MAP6: variants seen among roughly 807,000 people sequenced by gnomAD.
MAP6 encodes microtubule associated protein 6, also known as microtubule-associated protein 6.
A neutral mutation model predicts 42.4 loss-of-function variants in MAP6; 26 were observed. The ratio of observed to expected loss-of-function variants is 0.61; its 90% CI spans 0.45 to 0.85. The LOEUF is 0.85. MAP6 is among the 40% of genes least tolerant of loss of function. MAP6 has a pLI of 0.00. For missense variants in MAP6, 966 were observed against 1,099.0 expected (o/e 0.88, Z 1.71); for synonymous variants, 418 against 443.8 (o/e 0.94, Z 0.73).
intron 3 of MAP6, among the ~76,000 whole-genome samples, chr11:75,599,903 C>T (rs1042941573): frequency 6.6e-6 from 1 of 152,150 alleles, no homozygotes; most frequent in Non-Finnish European, 1.5e-5. Flanking sequence ...CCAACACCTG[C>T]CCCATAACAT....
At chr11:75,637,825 G>A (rs1255576166) in intron 1 of MAP6, among the ~76,000 whole-genome samples, 3 of 135,286 alleles carry the variant, frequency 2.2e-5, no homozygotes, top group East Asian at 5.2e-4. Context: ...GGGAGGGAGG[G>A]AGGGAAGTAG....
chr11:75,603,825 T>C (rs1942709430), intron 3 of MAP6: 1 of 985,332 alleles, frequency 1.0e-6, no homozygotes, highest in Non-Finnish European at 1.2e-6. Flanking sequence ...CTCTGATTTA[T>C]TTGATCTGCA....
chr11:75,604,353 A>G, intron 3 of MAP6: 1 of 985,544 alleles, frequency 1.0e-6, no homozygotes, highest in Non-Finnish European at 1.2e-6. Context: ...CCTCCAAACC[A>G]GAAGGACCTA....
chr11:75,612,325 G>A (rs1942912039), intron 1 of MAP6, among the ~76,000 whole-genome samples: 1 of 152,232 alleles, frequency 6.6e-6, no homozygotes, highest in Admixed American at 6.5e-5. Flanking sequence ...ACAGGGATGT[G>A]TAAGCCATGG....
intron 1 of MAP6, among the ~76,000 whole-genome samples, chr11:75,631,752 G>A (rs1229926830): frequency 2.6e-5 from 4 of 152,188 alleles, no homozygotes; most frequent in Non-Finnish European, 5.9e-5. Flanking sequence ...GGAAATGAGG[G>A]AATATCAAGG....
chr11:75,620,221 G>A (rs574652643), intron 1 of MAP6, among the ~76,000 whole-genome samples: 2 of 152,286 alleles, frequency 1.3e-5, no homozygotes, highest in East Asian at 3.9e-4. Context: ...TGTAATCCCA[G>A]TACTTTGGGA....
At chr11:75,632,743 T>C (rs564877077) in intron 1 of MAP6, among the ~76,000 whole-genome samples, 1 of 152,312 alleles carries the variant, frequency 6.6e-6, no homozygotes, top group East Asian at 1.9e-4. Context: ...CTGCGTAATG[T>C]GGAAATTAGA....
chr11:75,589,183 A>G (rs1281941243), intron 3 of MAP6, among the ~76,000 whole-genome samples: 1 of 152,060 alleles, frequency 6.6e-6, no homozygotes, highest in East Asian at 1.9e-4. Flanking sequence ...TTATTTCCCT[A>G]TAGCCAAGAG....
At chr11:75,649,287 A>G (rs1313979426) in intron 1 of MAP6, among the ~76,000 whole-genome samples, 1 of 152,172 alleles carries the variant, frequency 6.6e-6, no homozygotes, top group Non-Finnish European at 1.5e-5. Context: ...GTTGGGTGAA[A>G]AAAACAAAGT....
At chr11:75,646,729 A>G (rs1943560096) in intron 1 of MAP6, among the ~76,000 whole-genome samples, 1 of 151,908 alleles carries the variant, frequency 6.6e-6, no homozygotes, top group East Asian at 1.9e-4. Flanking sequence ...GAACCCAGGA[A>G]GTGGAGGTTG....
chr11:75,643,986 C>T (rs992302739), intron 1 of MAP6, among the ~76,000 whole-genome samples: 2 of 152,224 alleles, frequency 1.3e-5, no homozygotes, highest in East Asian at 1.9e-4. Context: ...TGCATTTCAA[C>T]ATCTTAGAAA....
At chr11:75,589,321 C>T (rs939294904) in intron 3 of MAP6, among the ~76,000 whole-genome samples, 5 of 152,222 alleles carry the variant, frequency 3.3e-5, no homozygotes, top group African/African-American at 1.2e-4. Flanking sequence ...CAAGCATTGC[C>T]ACACTTAGAC....
intron 2 of MAP6, chr11:75,607,608 G>C: frequency 2.0e-6 from 2 of 985,386 alleles, no homozygotes; most frequent in Non-Finnish European, 2.4e-6. Flanking sequence ...ATAGTGGATG[G>C]TGTTTAGCCC....
At chr11:75,630,071 C>T (rs1943262054) in intron 1 of MAP6, among the ~76,000 whole-genome samples, 3 of 152,188 alleles carry the variant, frequency 2.0e-5, no homozygotes, top group Admixed American at 2.0e-4. Context: ...AGTGTGTGTG[C>T]ATGTGCTGCT....
At chr11:75,618,801 C>G (rs746084363) in intron 1 of MAP6, among the ~76,000 whole-genome samples, 19 of 152,280 alleles carry the variant, frequency 1.2e-4, no homozygotes, top group Admixed American at 8.5e-4. Flanking sequence ...CCTGGTAGAG[C>G]CGACAGGTGC....
At chr11:75,606,674 T>G (rs1008781355) in intron 2 of MAP6, among the ~76,000 whole-genome samples, 2 of 152,220 alleles carry the variant, frequency 1.3e-5, no homozygotes, top group African/African-American at 4.8e-5. Flanking sequence ...CTCGCTGAGA[T>G]GCTTTGGGCA....
chr11:75,625,685 C>G (rs1317741062), intron 1 of MAP6, among the ~76,000 whole-genome samples: 1 of 152,142 alleles, frequency 6.6e-6, no homozygotes, highest in Non-Finnish European at 1.5e-5. Context: ...AGTTTCTGTA[C>G]AGAAAACAAA....
chr11:75,664,455 G>A (rs2135702018), intron 1 of MAP6, among the ~76,000 whole-genome samples: 1 of 152,380 alleles, frequency 6.6e-6, no homozygotes, highest in East Asian at 1.9e-4. Flanking sequence ...GATGGACTGT[G>A]TGTCCCTTTC....
intron 1 of MAP6, among the ~76,000 whole-genome samples, chr11:75,665,133 G>A (rs1590815296): frequency 1.3e-5 from 2 of 152,156 alleles, no homozygotes; most frequent in East Asian, 3.8e-4. Context: ...ATTGATAGGT[G>A]CTAAAAATAA....
Sources: gnomAD v4.1 joint callset for allele counts (sites outside exome capture counted in the v4.1 genomes callset) on GRCh38, gnomAD v4.1.1 for gene constraint, MANE v1.5 for transcripts, NCBI Gene and HGNC (gene_info 2026-07-23, HGNC 2026-07-21) for gene names.